Variants in PGAP4 observed in about 807,000 individuals in gnomAD.
PGAP4 encodes the protein post-GPI attachment to proteins GalNAc transferase 4.
A neutral mutation model predicts 28.2 loss-of-function variants in PGAP4; 12 were observed. The observed-to-expected ratio is 0.42, with a 90% confidence interval of 0.27 to 0.69. PGAP4 has a LOEUF of 0.69. Ranked by LOEUF, PGAP4 falls within the 30% of genes least tolerant of loss-of-function variation. The pLI is 0.22. For missense variants in PGAP4, 425 were observed against 513.5 expected, an observed-to-expected ratio of 0.83 and a Z score of 1.67; for synonymous variants, 205 against 211.8, an observed-to-expected ratio of 0.97 and a Z score of 0.28.
intron 2 of PGAP4, among the ~76,000 whole-genome samples, chr9:101,493,348 T>C (rs1403227871): frequency 6.6e-6 from 1 of 152,148 alleles, no homozygotes; most frequent in African/African-American, 2.4e-5. Context: ...CTGCCTTTTA[T>C]TTGTTGGCCT....
intron 2 of PGAP4, among the ~76,000 whole-genome samples, chr9:101,527,091 A>C (rs953045672): frequency 1.3e-5 from 2 of 152,192 alleles, no homozygotes; most frequent in Non-Finnish European, 2.9e-5. Flanking sequence ...GTGTTTCCTG[A>C]AGTTGTGACA....
At chr9:101,523,786 A>AT (rs1457285227) in intron 2 of PGAP4, among the ~76,000 whole-genome samples, 3 of 151,614 alleles carry the variant, frequency 2.0e-5, no homozygotes, top group South Asian at 2.1e-4. Flanking sequence ...AACTAGTGTG[A>AT]TTTTTTGGGG....
At chr9:101,510,011 C>T (rs201455390) in intron 2 of PGAP4, among the ~76,000 whole-genome samples, 2 of 152,180 alleles carry the variant, frequency 1.3e-5, no homozygotes, top group East Asian at 3.8e-4. Context: ...TGCACATCCT[C>T]CTGAAAAATA....
At chr9:101,518,390 T>C (rs1200298419) in intron 2 of PGAP4, among the ~76,000 whole-genome samples, 1 of 152,110 alleles carries the variant, frequency 6.6e-6, no homozygotes, top group Non-Finnish European at 1.5e-5. Context: ...CCGAGCAGTA[T>C]ACACTGCACC....
intron 1 of PGAP4, 54 bp from the exon 2 acceptor site, chr9:101,477,223 C>CAAACAAACAAAA: frequency 7.5e-7 from 1 of 1,332,886 alleles, no homozygotes. Flanking sequence ...AACAAACAAA[C>CAAACAAACAAAA]AAACAAACAA....
chr9:101,494,914 G>T (rs1448219969), intron 2 of PGAP4, among the ~76,000 whole-genome samples: 1 of 150,264 alleles, frequency 6.7e-6, no homozygotes, highest in Non-Finnish European at 1.5e-5. Context: ...TTTTCAATTA[G>T]TTACCTGAAT....
At chr9:101,497,061 T>A (rs1481909217) in intron 2 of PGAP4, among the ~76,000 whole-genome samples, 2 of 150,794 alleles carry the variant, frequency 1.3e-5, no homozygotes, top group African/African-American at 4.8e-5. Context: ...GAATAATCTA[T>A]CTCATTTATA....
chr9:101,476,772 G>T lies in PGAP4; in HGVS notation c.321C>A (p.Ile107=), dbSNP rs762901197. ...TPRPWLVITI[I]TVDRQPGFHY... is the part of the protein sequence containing the mutation. ...GGAAGCCAGGCTGCCTGTCCACAGTGATGATGGTGATCACCAGCCAGGGCC... is the reference window on the plus strand; with the variant it reads ...GGAAGCCAGGCTGCCTGTCCACAGTTATGATGGTGATCACCAGCCAGGGCC... Residue 107 remains isoleucine (I), a synonymous_variant, in exon 2 of 2, where the codon ATC becomes ATA. Coordinates refer to ENST00000374848, the MANE Select transcript of PGAP4 (RefSeq NM_032342.3). This position sits in a 1 kb window ranked among gnomAD's most constrained non-coding sequence, Gnocchi z 7.0. 1.2e-6 allele frequency: 2 copies of T among 1,613,278 alleles called. No individual in the cohort carries two copies. Among genetic ancestry groups the T allele is most frequent in the Non-Finnish European group, 1.7e-6 (2 of 1,179,424 alleles).
chr9:101,490,370 A>G (rs1215973861), upstream of PGAP4, among the ~76,000 whole-genome samples: 2 of 151,898 alleles, frequency 1.3e-5, no homozygotes, highest in Non-Finnish European at 2.9e-5. Flanking sequence ...TTGTATTTTT[A>G]GTAGAGCTGG....
In PGAP4 at chr9:101,474,732, G is replaced by A. The variant is rs1398971415; in HGVS notation, c.*1149C>T. 6.6e-6 allele frequency: 1 copy of A among 152,184 alleles called. No individual in the cohort carries two copies. Among genetic ancestry groups the A allele is most frequent in the Non-Finnish European group, 1.5e-5 (1 of 68,036 alleles). The allele number at this position is 152,184 out of a possible 1,614,324, so 9.4% of individuals were successfully genotyped here. On this transcript the variant is annotated 3_prime_UTR_variant, in exon 2 of 2. Coordinates refer to ENST00000374848, the MANE Select transcript of PGAP4 (RefSeq NM_032342.3). ...CAATATCTTTTTCCGAAATAAGCTTGAGTTGTATATGTTTATTATAGGAGA... is the reference window on the plus strand; with the variant it reads ...CAATATCTTTTTCCGAAATAAGCTTAAGTTGTATATGTTTATTATAGGAGA...
rs1370141895 is a variant in PGAP4, at chr9:101,504,620, AGTTT to A, written c.-164-15424_-164-15421del. On this transcript the variant is annotated intron_variant, in intron 2 of 3. Coordinates refer to the PGAP4 transcript ENST00000374851. ...ATCTCTTTGGCTTTTTTGTCCCAAGAGTTTGTTTGTGCTGTCATAGGGCATATGA... is the reference window on the plus strand; with the variant it reads ...ATCTCTTTGGCTTTTTTGTCCCAAGAGTTTGTGCTGTCATAGGGCATATGA... Among the ~76,000 whole-genome samples the A allele has an allele frequency of 5.3e-5, 8 of 151,886 alleles. No homozygotes were observed. The East Asian group carries it at 1.2e-3, about 22-fold the overall frequency.
rs564438460 is a variant in PGAP4, at chr9:101,512,909, G to T, written c.-165+18439C>A. On this transcript the variant is annotated intron_variant, in intron 2 of 3. Transcript: ENST00000374851. ...GAGTGTTTCCCAGCTATTCTCTAAG[G>T]TTTCACAAATTGACTCACCTTTTTA... Among the ~76,000 whole-genome samples, 12 of 152,122 alleles carry T rather than the reference G, an allele frequency of 7.9e-5. No homozygotes were observed. The South Asian group carries it at 1.0e-3, about 13-fold the overall frequency.
rs112770289 is a variant in PGAP4 at position 101,497,347 on chromosome 9, C to T, written c.-164-8147G>A. 8.9e-4 allele frequency among the ~76,000 whole-genome samples: 135 copies of T among 151,540 alleles called. 1 individual carries two copies. The highest frequency in any genetic ancestry group is 2.8e-3 in the African/African-American group (116 of 41,458). On this transcript the variant is annotated intron_variant, in intron 2 of 3. Transcript: ENST00000374851. ...CTTTTTTTGTTAACAATTTTTATGACGTGTAAACATTAGGTATTCACCTAA... is the reference window on the plus strand; with the variant it reads ...CTTTTTTTGTTAACAATTTTTATGATGTGTAAACATTAGGTATTCACCTAA...
At chr9:101,484,028 ATGT>A (rs2118547962) in intron 1 of PGAP4, among the ~76,000 whole-genome samples, 1 of 152,292 alleles carries the variant, frequency 6.6e-6, no homozygotes, top group South Asian at 2.1e-4. Context: ...TTTGGAGGAA[ATGT>A]TGGGGTGTTG....
intron 1 of PGAP4, among the ~76,000 whole-genome samples, chr9:101,482,213 C>T (rs76617510): frequency 0.02 from 3,017 of 152,338 alleles, 93 homozygotes; most frequent in African/African-American, 0.069. Context: ...TTTGGGACGC[C>T]GAGGCAGGCG....
intron 2 of PGAP4, among the ~76,000 whole-genome samples, chr9:101,517,467 CTT>C (rs1273106657): frequency 6.6e-6 from 1 of 152,028 alleles, no homozygotes; most frequent in Non-Finnish European, 1.5e-5. Context: ...ACATGCTAAA[CTT>C]TTTGTTTCAT....
chr9:101,509,540 C>G (rs1826877441), intron 2 of PGAP4, among the ~76,000 whole-genome samples: 1 of 152,134 alleles, frequency 6.6e-6, no homozygotes, highest in African/African-American at 2.4e-5. Flanking sequence ...AGCAATCTAC[C>G]TTTAGAAAGC....
chr9:101,502,494 C>T (rs1826812205), intron 2 of PGAP4, among the ~76,000 whole-genome samples: 1 of 152,018 alleles, frequency 6.6e-6, no homozygotes, highest in African/African-American at 2.4e-5. Context: ...CAATGACAGA[C>T]ATCAAATACC....
At chr9:101,501,261 C>G (rs1588206195) in intron 2 of PGAP4, among the ~76,000 whole-genome samples, 2 of 152,010 alleles carry the variant, frequency 1.3e-5, no homozygotes, top group East Asian at 3.9e-4. Flanking sequence ...TGCTGTACTG[C>G]TACAATAGTG....
Sources: allele counts gnomAD v4.1 joint callset (sites outside exome capture counted in the v4.1 genomes callset), GRCh38; gene constraint gnomAD v4.1.1; non-coding constraint Gnocchi (gnomAD v3.1); transcripts MANE v1.5; gene names NCBI Gene and HGNC (gene_info 2026-07-23, HGNC 2026-07-21).